Variants in OR51B5 observed in about 807,000 individuals in gnomAD.
The protein encoded by OR51B5 is olfactory receptor family 51 subfamily B member 5.
For missense variants in OR51B5, 456 were observed against 374.6 expected (o/e 1.22, Z -1.79); for synonymous variants, 186 against 144.8 (o/e 1.28, Z -2.04).
upstream of OR51B5, chr11:5,346,391 AGGAAAAAAAATATAG>A (rs1350149205): frequency 6.6e-6 from 1 of 152,174 alleles, no homozygotes; most frequent in Non-Finnish European, 1.5e-5. Flanking sequence ...ATAAAAGCTG[AGGAAAAAAAATATAG>A]GGAAGGAAAG....
chr11:5,414,593 C>A (rs1463603099), intron 1 of OR51B5, among the ~76,000 whole-genome samples: 3 of 140,116 alleles, frequency 2.1e-5, no homozygotes, highest in South Asian at 2.4e-4. Context: ...GGAAGATCTA[C>A]CAAGCAAATG....
chr11:5,352,446 A>G, intron 1 of OR51B5: 1 of 1,551,796 alleles, frequency 6.4e-7, no homozygotes, highest in South Asian at 1.1e-5. Context: ...CTAGAGCATG[A>G]CATTGTTTCA....
At chr11:5,437,175 T>C (rs79809831) in intron 1 of OR51B5, among the ~76,000 whole-genome samples, 1 of 151,964 alleles carries the variant, frequency 6.6e-6, no homozygotes, top group Non-Finnish European at 1.5e-5. Flanking sequence ...CTTATAATGA[T>C]GAAGTTGGAG....
rs1055234719 is a variant in OR51B5 at position 5,466,276 on chromosome 11, C to G, written n.84+39293G>C. ...CTGTTAATTAGGGAATTAGGCAATA[C>G]TCATTAGACAATAGTAAAACTATAT... On this transcript the variant is annotated intron_variant and non_coding_transcript_variant, in intron 1 of 4. Transcript: ENST00000415970. Among the ~76,000 whole-genome samples the G allele has an allele frequency of 2.0e-4, 30 of 152,048 alleles. 1 individual carries two copies. Among genetic ancestry groups the G allele is most frequent in the African/African-American group, 7.0e-4 (29 of 41,370 alleles).
At chr11:5,427,966 G>A (rs1245190844) in intron 1 of OR51B5, among the ~76,000 whole-genome samples, 8 of 151,958 alleles carry the variant, frequency 5.3e-5, no homozygotes, top group African/African-American at 1.9e-4. Context: ...TTCAGTTAGA[G>A]GAAAAAGGTA....
At chr11:5,444,613 A>G (rs1489862933) in intron 1 of OR51B5, among the ~76,000 whole-genome samples, 2 of 152,130 alleles carry the variant, frequency 1.3e-5, no homozygotes, top group Non-Finnish European at 2.9e-5. Context: ...CACTCACTGG[A>G]TGGAAGATGC....
intron 1 of OR51B5, among the ~76,000 whole-genome samples, chr11:5,452,488 G>C (rs967545124): frequency 9.7e-6 from 1 of 103,206 alleles, no homozygotes; most frequent in Non-Finnish European, 1.8e-5. Context: ...CTGGGCAAAA[G>C]AGAGAGACTC....
chr11:5,402,609 A>T (rs1326721176), intron 1 of OR51B5: 2 of 469,962 alleles, frequency 4.3e-6, no homozygotes, highest in Non-Finnish European at 8.8e-6. Flanking sequence ...GAAAATTTCT[A>T]ATAACTCTTT....
At chr11:5,372,797 C>T (rs1413238933) in intron 1 of OR51B5, among the ~76,000 whole-genome samples, 1 of 152,080 alleles carries the variant, frequency 6.6e-6, no homozygotes. Flanking sequence ...TACCTGAGCT[C>T]TGGCACATTT....
Position 5,353,809 on chromosome 11 carries a change from C to T in OR51B5, n.85-6899G>A, listed in dbSNP as rs1003703797. On this transcript the variant is annotated intron_variant and non_coding_transcript_variant, in intron 1 of 4. Transcript: ENST00000415970. Reference sequence around the variant, plus strand: ...GATCTATGGCTGCCCACCTACTCTTCATCACAGAAAGGTGGGGATTTTTTA... The same window carrying T: ...GATCTATGGCTGCCCACCTACTCTTTATCACAGAAAGGTGGGGATTTTTTA... 4.6e-5 allele frequency among the ~76,000 whole-genome samples: 7 copies of T among 152,348 alleles called. No homozygotes were observed. In the East Asian group the frequency reaches 1.3e-3, roughly 29 times the overall value.
At chr11:5,431,004 C>A (rs1425359136) in intron 1 of OR51B5, 1 of 456,902 alleles carries the variant, frequency 2.2e-6, no homozygotes, top group African/African-American at 2.0e-5. Context: ...TGGCTAAGCC[C>A]AGGATGCTGT....
intron 1 of OR51B5, chr11:5,389,747 C>T: frequency 6.2e-7 from 1 of 1,614,004 alleles, no homozygotes; most frequent in Non-Finnish European, 8.5e-7. Context: ...GTTCTGCATC[C>T]ACTCTTTTTC....
chr11:5,396,669 C>A (rs1849877096), intron 1 of OR51B5, among the ~76,000 whole-genome samples: 1 of 151,920 alleles, frequency 6.6e-6, no homozygotes, highest in African/African-American at 2.4e-5. Flanking sequence ...CATCAAGCTA[C>A]CAATGACTTT....
intron 1 of OR51B5, among the ~76,000 whole-genome samples, chr11:5,388,129 T>C (rs970778591): frequency 3.3e-5 from 5 of 152,122 alleles, no homozygotes; most frequent in Admixed American, 1.3e-4. Context: ...GAAATAATTA[T>C]TGAAATAAGA....
intron 1 of OR51B5, chr11:5,440,660 T>C (rs756170788): frequency 6.2e-7 from 1 of 1,613,870 alleles, no homozygotes; most frequent in South Asian, 1.1e-5. Flanking sequence ...GCATGGGTGG[T>C]ACAAACAGGT....
rs1196382348 is a variant in OR51B5, at chr11:5,359,452, C to T, written n.85-12542G>A. Among the ~76,000 whole-genome samples, 12 of 125,672 alleles carry T rather than the reference C, an allele frequency of 9.5e-5. 3 individuals carry two copies. Among genetic ancestry groups the T allele is most frequent in the African/African-American group, 3.2e-4 (11 of 34,080 alleles). 82.4% of individuals were successfully genotyped at this position (125,672 alleles called of 152,430 possible). A position where few individuals can be genotyped will look rare whatever the true frequency, so the allele number is the denominator to read the frequency against. Reference sequence around the variant, plus strand: ...AACTTACAAGAGAGGTGAAGGACCTCTTCAAGGAGAACTACAAACCACTGC... The same window carrying T: ...AACTTACAAGAGAGGTGAAGGACCTTTTCAAGGAGAACTACAAACCACTGC... On this transcript the variant is annotated intron_variant and non_coding_transcript_variant, in intron 1 of 4. Transcript: ENST00000415970.
At chr11:5,343,430 A>G (rs761374346) in exon 1 of OR51B5, 4 of 1,612,172 alleles carry the variant, frequency 2.5e-6, no homozygotes, top group South Asian at 2.2e-5. Context: ...GGATATATAC[A>G]TGAACAAGAA....
At chr11:5,342,852 T>C (rs558030856) in exon 1 of OR51B5, 1 of 1,613,318 alleles carries the variant, frequency 6.2e-7, no homozygotes, top group African/African-American at 1.3e-5. Flanking sequence ...GAGGCAATGC[T>C]CAGGACAGTC....
intron 1 of OR51B5, among the ~76,000 whole-genome samples, chr11:5,412,955 G>A (rs959744018): frequency 2.0e-5 from 3 of 152,126 alleles, no homozygotes; most frequent in Non-Finnish European, 2.9e-5. Context: ...CTCCCAGCAT[G>A]CAGCTGGAGA....
Sources: gnomAD v4.1 joint callset for allele counts (sites outside exome capture counted in the v4.1 genomes callset) on GRCh38, gnomAD v4.1.1 for gene constraint, MANE v1.5 for transcripts, NCBI Gene and HGNC (gene_info 2026-07-23, HGNC 2026-07-21) for gene names.